Variants in PTPRD observed in about 807,000 individuals in gnomAD.
PTPRD encodes the protein protein tyrosine phosphatase receptor type D, also known as receptor-type tyrosine-protein phosphatase delta.
Under a neutral mutation model 214.5 loss-of-function variants are expected in PTPRD, and 34 were observed. That is an observed-to-expected ratio of 0.16 (90% CI 0.12 to 0.21). The LOEUF (loss-of-function observed/expected upper bound fraction) is 0.21, where lower values mean the gene tolerates loss of function less well. Ranked by LOEUF, PTPRD falls within the 10% of genes least tolerant of loss-of-function variation. The pLI, the probability that PTPRD is intolerant of heterozygous loss-of-function variation, is 1.00. For synonymous variants in PTPRD, 1,128 were observed against 845.7 expected (o/e 1.33, Z -5.79); for missense variants, 2,545 against 2,398.7 (o/e 1.06, Z -1.27).
chr9:10,060,820 CTTT>C lies in PTPRD; in HGVS notation c.-544-27033_-544-27031del, dbSNP rs1567404032. Among the ~76,000 whole-genome samples the C allele has an allele frequency of 1.7e-4, 22 of 126,600 alleles. 1 individual carries two copies. The East Asian group carries it at 1.9e-3, about 11-fold the overall frequency. The allele number at this position is 126,600 out of a possible 152,430, so 83.1% of individuals were successfully genotyped here. On this transcript the variant is annotated intron_variant, in intron 3 of 45. Transcript: ENST00000381196. ...TCTTTCTTCCTTTCTTTCTTTCTTT[CTTT>C]CTTTCTTCCTTCCTTCCTTCCTTTC...
At chr9:9,958,880 G>C (rs563949544) in intron 4 of PTPRD, among the ~76,000 whole-genome samples, 1 of 152,292 alleles carries the variant, frequency 6.6e-6, no homozygotes, top group East Asian at 1.9e-4. Context: ...CCAAATGCTA[G>C]TGAGAATGTA....
chr9:9,818,376 C>T (rs1369929219), intron 5 of PTPRD, among the ~76,000 whole-genome samples: 1 of 152,110 alleles, frequency 6.6e-6, no homozygotes, highest in Non-Finnish European at 1.5e-5. Flanking sequence ...TTCTTCTGCT[C>T]ATTAACCAAG....
chr9:9,769,475 G>A (rs1453019301), intron 5 of PTPRD, among the ~76,000 whole-genome samples: 1 of 151,822 alleles, frequency 6.6e-6, no homozygotes, highest in East Asian at 1.9e-4. Flanking sequence ...ACAGGTGCCC[G>A]CCACCACACC....
intron 11 of PTPRD, among the ~76,000 whole-genome samples, chr9:8,977,574 G>C (rs1589202167): frequency 6.6e-6 from 1 of 151,702 alleles, no homozygotes; most frequent in Middle Eastern, 3.4e-3. Flanking sequence ...TTGAACCCTC[G>C]AGGTTTTGTT....
At chr9:9,688,147 C>G (rs2097198544) in intron 7 of PTPRD, among the ~76,000 whole-genome samples, 1 of 151,798 alleles carries the variant, frequency 6.6e-6, no homozygotes, top group African/African-American at 2.4e-5. Context: ...AATTGTGAGT[C>G]AATTAAACCT....
intron 7 of PTPRD, among the ~76,000 whole-genome samples, chr9:9,646,318 GGTGTGT>G (rs369865111): frequency 4.0e-4 from 55 of 137,284 alleles, no homozygotes; most frequent in East Asian, 1.5e-3. Flanking sequence ...TGTGTGTGTG[GGTGTGT>G]GTGTGTGTGT....
intron 14 of PTPRD, among the ~76,000 whole-genome samples, chr9:8,625,784 T>C (rs753941260): frequency 3.3e-5 from 5 of 151,328 alleles, no homozygotes; most frequent in Admixed American, 6.6e-5. Context: ...AGTTTTTAGA[T>C]ATAAATTAAA....
chr9:8,902,654 C>T (rs764996058), intron 11 of PTPRD, among the ~76,000 whole-genome samples: 1 of 151,842 alleles, frequency 6.6e-6, no homozygotes, highest in Non-Finnish European at 1.5e-5. Flanking sequence ...CTGGAATCTG[C>T]ATTTTTAACA....
chr9:9,432,477 A>G (rs944443651), intron 8 of PTPRD, among the ~76,000 whole-genome samples: 2 of 152,214 alleles, frequency 1.3e-5, no homozygotes, highest in Admixed American at 6.5e-5. Flanking sequence ...CTAATACCTC[A>G]GTTTAAAAAA....
At chr9:10,212,343 C>T (rs574615769) in intron 3 of PTPRD, among the ~76,000 whole-genome samples, 4 of 152,098 alleles carry the variant, frequency 2.6e-5, no homozygotes, top group Middle Eastern at 3.4e-3. Context: ...TAAGCATAAA[C>T]GTGTAGCTAA....
chr9:10,341,989 T>A (rs2096949168), intron 2 of PTPRD, among the ~76,000 whole-genome samples: 1 of 152,066 alleles, frequency 6.6e-6, no homozygotes, highest in African/African-American at 2.4e-5. Context: ...TAAAGTCAAA[T>A]AATGATACTG....
intron 10 of PTPRD, among the ~76,000 whole-genome samples, chr9:9,078,372 T>G (rs2099754119): frequency 6.6e-6 from 1 of 152,092 alleles, no homozygotes; most frequent in Non-Finnish European, 1.5e-5. Flanking sequence ...AATTACAACA[T>G]TCCTTTCCAG....
At chr9:9,762,099 C>A (rs1188554699) in intron 6 of PTPRD, among the ~76,000 whole-genome samples, 1 of 152,190 alleles carries the variant, frequency 6.6e-6, no homozygotes, top group Non-Finnish European at 1.5e-5. Flanking sequence ...CCCACCCTTA[C>A]ATCACTCCAG....
chr9:9,512,896 C>A (rs571138556), intron 8 of PTPRD, among the ~76,000 whole-genome samples: 1 of 150,690 alleles, frequency 6.6e-6, no homozygotes, highest in Non-Finnish European at 1.5e-5. Flanking sequence ...ATAATAATCA[C>A]GAGTAATCAT....
At chr9:8,698,857 A>T (rs1364263935) in intron 12 of PTPRD, among the ~76,000 whole-genome samples, 1 of 152,136 alleles carries the variant, frequency 6.6e-6, no homozygotes, top group Non-Finnish European at 1.5e-5. Context: ...AACATGCCCA[A>T]TAAATACCTT....
At chr9:10,080,411 A>C (rs2098216922) in intron 3 of PTPRD, among the ~76,000 whole-genome samples, 1 of 152,150 alleles carries the variant, frequency 6.6e-6, no homozygotes, top group South Asian at 2.1e-4. Flanking sequence ...TATTCAAACC[A>C]CTTGTCATTG....
chr9:9,677,954 G>A (rs2096970647), intron 7 of PTPRD, among the ~76,000 whole-genome samples: 1 of 152,136 alleles, frequency 6.6e-6, no homozygotes, highest in Non-Finnish European at 1.5e-5. Context: ...AATCATGAGG[G>A]AACTCCCATT....
intron 3 of PTPRD, among the ~76,000 whole-genome samples, chr9:10,100,482 A>G (rs2098541133): frequency 6.6e-6 from 1 of 151,630 alleles, no homozygotes; most frequent in Admixed American, 6.6e-5. Context: ...GACAAACTAG[A>G]CACTCGGAAA....
At chr9:8,949,947 T>C (rs1479840286) in intron 11 of PTPRD, among the ~76,000 whole-genome samples, 1 of 152,160 alleles carries the variant, frequency 6.6e-6, no homozygotes, top group Non-Finnish European at 1.5e-5. Flanking sequence ...CATTCAAGAA[T>C]GAAGAAGGCA....
Sources: allele counts gnomAD v4.1 joint callset (sites outside exome capture counted in the v4.1 genomes callset), GRCh38; gene constraint gnomAD v4.1.1; transcripts MANE v1.5; gene names NCBI Gene and HGNC (gene_info 2026-07-23, HGNC 2026-07-21).